The following DMD variants were observed in gnomAD, a reference collection of about 807,000 sequenced individuals.
DMD encodes mutant dystrophin.
DMD carries 63 observed loss-of-function variants against 330.1 expected under a neutral mutation model. The ratio of observed to expected loss-of-function variants is 0.19; its 90% CI spans 0.16 to 0.24. The LOEUF (loss-of-function observed/expected upper bound fraction) is 0.24, where lower values mean the gene tolerates loss of function less well. Ranked by LOEUF, DMD falls within the 10% of genes least tolerant of loss-of-function variation. The probability of loss-of-function intolerance (pLI) is 1.00; values close to 1 mark genes in which losing one functional copy is unlikely to be tolerated. For missense variants in DMD, 3,344 were observed against 2,684.1 expected (o/e 1.25, Z -5.43); for synonymous variants, 1,223 against 959.8 (o/e 1.27, Z -5.07).
chrX:31,134,767 C>G (rs756223732), intron 76 of DMD, among the ~76,000 whole-genome samples: 2 of 112,370 alleles, frequency 1.8e-5, no homozygotes, highest in East Asian at 5.5e-4. Flanking sequence ...AAATGTGCCC[C>G]GCACATAGAA....
chrX:31,688,940 C>T (rs1487044073), intron 52 of DMD, among the ~76,000 whole-genome samples: 5 of 111,722 alleles, frequency 4.5e-5, no homozygotes, highest in African/African-American at 1.3e-4. Flanking sequence ...TAAAAACTCT[C>T]GATAAATTAG....
chrX:31,694,437 T>G (rs1240977496), intron 52 of DMD, among the ~76,000 whole-genome samples: 1 of 107,936 alleles, frequency 9.3e-6, no homozygotes, highest in Non-Finnish European at 1.9e-5. Flanking sequence ...AGGAAACAAT[T>G]AATGGAATAA....
At chrX:33,230,834 C>T (rs758045438) in intron 1 of DMD, among the ~76,000 whole-genome samples, 1 of 110,693 alleles carries the variant, frequency 9.0e-6, no homozygotes, top group South Asian at 3.8e-4. Context: ...GAATCCAAAA[C>T]AAATCAGTTT....
intron 1 of DMD, among the ~76,000 whole-genome samples, chrX:33,164,889 C>T (rs2048975557): frequency 9.5e-6 from 1 of 105,037 alleles, no homozygotes; most frequent in Non-Finnish European, 1.9e-5. Flanking sequence ...AGAGTTGGCA[C>T]TTGAGGTTAT....
At chrX:33,253,696 C>T (rs1164463378) in intron 1 of DMD, among the ~76,000 whole-genome samples, 1 of 110,884 alleles carries the variant, frequency 9.0e-6, no homozygotes, top group Non-Finnish European at 1.9e-5. Context: ...TTCTGATGGC[C>T]TCTCGATATT....
Position 31,678,765 on chromosome X carries a change from A to G in DMD, c.7872+610T>C, listed in dbSNP as rs145795533. On this transcript the variant is annotated intron_variant, in intron 53 of 78. Transcript: ENST00000357033. ...AGACCTGTTACTTTTTCTAGGAAGG[A>G]ATTAAGCCCGAATGGTTGACTTCAT... 2.6e-3 allele frequency among the ~76,000 whole-genome samples: 296 copies of G among 111,842 alleles called. 1 individual carries two copies. The highest frequency in any genetic ancestry group is 9.2e-3 in the African/African-American group (284 of 30,837).
intron 17 of DMD, among the ~76,000 whole-genome samples, chrX:32,522,004 T>G (rs1033466728): frequency 9.0e-6 from 1 of 111,704 alleles, no homozygotes; most frequent in Non-Finnish European, 1.9e-5. Flanking sequence ...AGCCTGCCCT[T>G]AAAAGACACT....
At chrX:32,915,254 T>C (rs1178279409) in intron 2 of DMD, among the ~76,000 whole-genome samples, 3 of 111,685 alleles carry the variant, frequency 2.7e-5, no homozygotes, top group Middle Eastern at 4.6e-3. Flanking sequence ...CCAGAGAACA[T>C]GAGTGGCACG....
intron 1 of DMD, among the ~76,000 whole-genome samples, chrX:33,045,075 C>CT (rs1327267130): frequency 2.7e-5 from 3 of 110,461 alleles, no homozygotes; most frequent in Admixed American, 1.9e-4. Context: ...GGGGAAAGTC[C>CT]TTTTTTTACA....
At chrX:31,773,207 A>G (rs2090443697) in intron 51 of DMD, among the ~76,000 whole-genome samples, 2 of 112,117 alleles carry the variant, frequency 1.8e-5, no homozygotes, top group Admixed American at 1.9e-4. Context: ...AATGTATAAC[A>G]ATTCCAACAT....
At chrX:32,408,373 A>G (rs2098127687) in intron 30 of DMD, among the ~76,000 whole-genome samples, 1 of 111,978 alleles carries the variant, frequency 8.9e-6, no homozygotes, top group Non-Finnish European at 1.9e-5. Context: ...TCCTATAGTA[A>G]TAAATGCCAA....
intron 59 of DMD, among the ~76,000 whole-genome samples, chrX:31,447,565 A>C (rs1424923059): frequency 9.0e-6 from 1 of 111,621 alleles, no homozygotes; most frequent in Non-Finnish European, 1.9e-5. Flanking sequence ...TAAATCATAA[A>C]AATATTAGTT....
At chrX:32,966,316 T>C (rs2092151685) in intron 2 of DMD, among the ~76,000 whole-genome samples, 1 of 111,559 alleles carries the variant, frequency 9.0e-6, no homozygotes, top group Admixed American at 9.6e-5. Context: ...GTAAAAATCA[T>C]CTTGCAGATA....
chrX:31,696,607 T>C (rs924595157), intron 52 of DMD, among the ~76,000 whole-genome samples: 1 of 112,118 alleles, frequency 8.9e-6, no homozygotes, highest in Non-Finnish European at 1.9e-5. Context: ...CTTCTGCATA[T>C]GGCTAGCCAG....
intron 13 of DMD, among the ~76,000 whole-genome samples, chrX:32,595,123 C>T (rs927208631): frequency 1.8e-5 from 2 of 111,481 alleles, no homozygotes; most frequent in Non-Finnish European, 3.8e-5. Flanking sequence ...AAGGGGTATG[C>T]AATCATGGAC....
chrX:31,615,071 T>C (rs1321720137), intron 55 of DMD, among the ~76,000 whole-genome samples: 1 of 111,573 alleles, frequency 9.0e-6, no homozygotes, highest in Non-Finnish European at 1.9e-5. Context: ...AGGAATATCA[T>C]TTTTTTTGTT....
chrX:32,091,476 TC>T (rs1301928449), intron 44 of DMD, among the ~76,000 whole-genome samples: 1 of 111,008 alleles, frequency 9.0e-6, no homozygotes, highest in Non-Finnish European at 1.9e-5. Context: ...CTGGATAACA[TC>T]CCTATTTTAG....
intron 8 of DMD, 92 bp downstream of exon 8, chrX:32,699,020 A>T (rs2063876843): frequency 1.3e-6 from 1 of 770,249 alleles, no homozygotes; most frequent in African/African-American, 2.1e-5. Context: ...GTGTATATAC[A>T]TATAAGTTAT....
intron 1 of DMD, among the ~76,000 whole-genome samples, chrX:33,178,178 T>G (rs1386278143): frequency 1.8e-5 from 2 of 110,668 alleles, no homozygotes; most frequent in Admixed American, 9.5e-5. Flanking sequence ...AGCAGAAATA[T>G]CCAGTGGGAT....
Sources: allele counts gnomAD v4.1 joint callset (sites outside exome capture counted in the v4.1 genomes callset), GRCh38; gene constraint gnomAD v4.1.1; transcripts MANE v1.5; gene names NCBI Gene and HGNC (gene_info 2026-07-23, HGNC 2026-07-21).